The following PCDHA12 variants were observed in gnomAD, a reference collection of about 807,000 sequenced individuals.
PCDHA12 encodes the protein protocadherin alpha 12.
PCDHA12 carries 44 observed loss-of-function variants against 60.0 expected under a neutral mutation model. That is an observed-to-expected ratio of 0.73 (90% CI 0.58 to 0.94). The LOEUF is 0.94. PCDHA12 is among the 40% of genes least tolerant of loss of function. The pLI is 0.00. For missense variants in PCDHA12, 1,276 were observed against 1,239.7 expected, an observed-to-expected ratio of 1.03 and a Z score of -0.44; for synonymous variants, 569 against 553.0, an observed-to-expected ratio of 1.03 and a Z score of -0.40.
chr5:140,986,587 C>G (rs1194407522), intron 3 of PCDHA12, among the ~76,000 whole-genome samples: 1 of 152,208 alleles, frequency 6.6e-6, no homozygotes, highest in East Asian at 1.9e-4. Flanking sequence ...TCCAGCTCCT[C>G]TTTCTACATT....
Position 140,894,245 on chromosome 5 carries a change from C to T in PCDHA12, c.2367+16406C>T, listed in dbSNP as rs1273703512. ...AGATGTTGAATGACAATGTAATTTT[C>T]TTTTCTTTACAAGTGGTAGCTTATT... On this transcript the variant is annotated intron_variant, in intron 1 of 3. Coordinates refer to ENST00000398631, the MANE Select transcript of PCDHA12 (RefSeq NM_018903.4). 4.0e-5 allele frequency among the ~76,000 whole-genome samples: 6 copies of T among 151,858 alleles called. No homozygotes were observed. In the East Asian group the frequency reaches 1.2e-3, roughly 29 times the overall value.
At chr5:140,942,867 C>T (rs1023164811) in intron 1 of PCDHA12, among the ~76,000 whole-genome samples, 5 of 151,858 alleles carry the variant, frequency 3.3e-5, no homozygotes, top group Admixed American at 1.3e-4. Context: ...TTTGCTTTAG[C>T]ATGACAACTT....
chr5:140,910,715 A>C (rs2075137767), intron 1 of PCDHA12, among the ~76,000 whole-genome samples: 1 of 152,118 alleles, frequency 6.6e-6, no homozygotes, highest in Admixed American at 6.5e-5. Flanking sequence ...GCCATCTTTT[A>C]ATCCATATTT....
intron 3 of PCDHA12, among the ~76,000 whole-genome samples, chr5:141,001,133 A>G (rs2097993653): frequency 6.6e-6 from 1 of 152,034 alleles, no homozygotes; most frequent in Non-Finnish European, 1.5e-5. Flanking sequence ...AAACAAATGA[A>G]TCTTCTGTTG....
Position 140,891,839 on chromosome 5 carries a change from T to C in PCDHA12, c.2367+14000T>C, listed in dbSNP as rs10074902. Among the ~76,000 whole-genome samples, 663 of 152,284 alleles carry C rather than the reference T, an allele frequency of 4.4e-3. 7 individuals carry two copies. The highest frequency in any genetic ancestry group is 0.015 in the African/African-American group (618 of 41,564). On this transcript the variant is annotated intron_variant, in intron 1 of 3. Coordinates refer to ENST00000398631, the MANE Select transcript of PCDHA12 (RefSeq NM_018903.4). ...TTAACGGCACTGTAAAAGGACTTGA[T>C]GGAAGGAGCCTGTCCCTCTCTTATG...
chr5:140,952,418 A>G (rs1563257684), intron 1 of PCDHA12, among the ~76,000 whole-genome samples: 1 of 152,090 alleles, frequency 6.6e-6, no homozygotes, highest in South Asian at 2.1e-4. Context: ...AATGTTCCGC[A>G]GATTCCTACA....
chr5:140,983,284 A>G (rs540419188), intron 3 of PCDHA12, among the ~76,000 whole-genome samples: 1 of 152,330 alleles, frequency 6.6e-6, no homozygotes, highest in East Asian at 1.9e-4. Context: ...GAGTATAGGA[A>G]AATTGCTTAA....
At chr5:140,953,565 C>A (rs1433649283) in intron 1 of PCDHA12, among the ~76,000 whole-genome samples, 2 of 151,370 alleles carry the variant, frequency 1.3e-5, no homozygotes, top group African/African-American at 2.5e-5. Context: ...AGTTTTAGTG[C>A]CCTCCTCTCC....
chr5:140,900,180 T>G (rs1223345758), intron 1 of PCDHA12, among the ~76,000 whole-genome samples: 3 of 152,228 alleles, frequency 2.0e-5, no homozygotes, highest in Non-Finnish European at 4.4e-5. Context: ...CTGGTTTATG[T>G]CACTTATAAT....
chr5:140,987,789 G>T (rs1356794638), intron 3 of PCDHA12, among the ~76,000 whole-genome samples: 2 of 152,136 alleles, frequency 1.3e-5, no homozygotes, highest in African/African-American at 4.8e-5. Context: ...CTATAGAGAA[G>T]ATTTTTTTAA....
intron 1 of PCDHA12, among the ~76,000 whole-genome samples, chr5:140,912,343 ATTT>A (rs35252606): frequency 2.8e-5 from 4 of 143,838 alleles, no homozygotes; most frequent in African/African-American, 5.1e-5. Context: ...TACACTAAGT[ATTT>A]TTTTTTTTTT....
At chr5:140,982,795 AT>A (rs2097005249) in intron 3 of PCDHA12, among the ~76,000 whole-genome samples, 1 of 151,516 alleles carries the variant, frequency 6.6e-6, no homozygotes, top group African/African-American at 2.4e-5. Flanking sequence ...GCATGTGTGC[AT>A]GTGTGTGTGT....
intron 1 of PCDHA12, among the ~76,000 whole-genome samples, chr5:140,899,853 G>T (rs2067594174): frequency 6.6e-6 from 1 of 152,118 alleles, no homozygotes; most frequent in South Asian, 2.1e-4. Context: ...TGTCACCCAG[G>T]CTGGAGTGCA....
intron 1 of PCDHA12, among the ~76,000 whole-genome samples, chr5:140,945,071 C>A (rs246061): frequency 0.56 from 85,726 of 151,850 alleles, 24,797 homozygotes; most frequent in African/African-American, 0.69. Context: ...CAGACTCCAC[C>A]AAAACACTCT....
intron 1 of PCDHA12, among the ~76,000 whole-genome samples, chr5:140,952,559 G>A (rs1185999097): frequency 6.6e-6 from 1 of 152,108 alleles, no homozygotes; most frequent in Non-Finnish European, 1.5e-5. Flanking sequence ...TTCACTATCA[G>A]CACTTCGGTC....
chr5:140,884,048 G>A (rs2059957630), intron 1 of PCDHA12: 1 of 1,613,500 alleles, frequency 6.2e-7, no homozygotes, highest in African/African-American at 1.3e-5. Flanking sequence ...GGTGGCGAAG[G>A]TGCGCGCGGT....
intron 1 of PCDHA12, among the ~76,000 whole-genome samples, chr5:140,964,965 G>GA (rs1296818132): frequency 6.6e-6 from 1 of 152,204 alleles, no homozygotes; most frequent in Non-Finnish European, 1.5e-5. Context: ...TTGGTGGAAC[G>GA]AAGGGATGTG....
At chr5:140,953,127 G>T (rs909395659) in intron 1 of PCDHA12, among the ~76,000 whole-genome samples, 8 of 152,178 alleles carry the variant, frequency 5.3e-5, no homozygotes, top group African/African-American at 1.4e-4. Flanking sequence ...GATCTAAACC[G>T]TATCACTGTT....
intron 1 of PCDHA12, among the ~76,000 whole-genome samples, chr5:140,931,556 A>T (rs2153608416): frequency 6.6e-6 from 1 of 152,166 alleles, no homozygotes; most frequent in East Asian, 1.9e-4. Context: ...ATGTGCAGGA[A>T]TATTGTACCA....
Sources: gnomAD v4.1 joint callset for allele counts (sites outside exome capture counted in the v4.1 genomes callset) on GRCh38, gnomAD v4.1.1 for gene constraint, MANE v1.5 for transcripts, NCBI Gene and HGNC (gene_info 2026-07-23, HGNC 2026-07-21) for gene names.